Variants in CTSZ observed in about 807,000 individuals in gnomAD.
The protein encoded by CTSZ is carboxypeptidase LB.
A neutral mutation model predicts 32.4 loss-of-function variants in CTSZ; 39 were observed. The ratio of observed to expected loss-of-function variants is 1.20; its 90% CI spans 0.93 to 1.57. CTSZ has a LOEUF of 1.57. Ranked by LOEUF, CTSZ falls within the 40% of genes most tolerant of loss-of-function variation. The pLI, the probability that CTSZ is intolerant of heterozygous loss-of-function variation, is 0.00. For synonymous variants in CTSZ, 168 were observed against 170.1 expected (o/e 0.99, Z 0.10); for missense variants, 397 against 419.6 (o/e 0.95, Z 0.47).
chr20:59,005,958 T>G, intron 2 of CTSZ: 1 of 233,164 alleles, frequency 4.3e-6, no homozygotes, highest in Non-Finnish European at 8.5e-6. Flanking sequence ...CAGGCTTTCA[T>G]CTGTGCTGAG....
In CTSZ at chr20:58,995,710, T is replaced by G. The variant is rs2091855255; in HGVS notation, c.851A>C (p.Lys284Thr). The G allele has an allele frequency of 1.2e-6, 2 of 1,614,046 alleles. No individual in the cohort carries two copies. Among genetic ancestry groups the G allele is most frequent in the South Asian group, 1.1e-5 (1 of 91,078 alleles). The change falls in exon 6 of 6, where the codon AAG becomes ACG. Residue 284 changes from lysine (K) to threonine (T), a missense_variant. Coordinates refer to ENST00000217131, the MANE Select transcript of CTSZ (RefSeq NM_001336.4). The part of the protein sequence containing the change: ...RIVTSTYKDG[K>T]GARYNLAIEE... ...GATGGCAAGGTTGTATCTGGCGCCC[T>G]TCCCATCCTTATAGGTGCTGGTCAC...
intron 3 of CTSZ, among the ~76,000 whole-genome samples, chr20:59,000,528 AC>A (rs2091884451): frequency 6.6e-6 from 1 of 152,058 alleles, no homozygotes. Flanking sequence ...TCCACACAGC[AC>A]CCCCTTGGCC....
At chr20:59,005,365 C>T (rs1340177961) in intron 2 of CTSZ, among the ~76,000 whole-genome samples, 2 of 152,184 alleles carry the variant, frequency 1.3e-5, no homozygotes, top group Non-Finnish European at 2.9e-5. Context: ...TCAGCTGTCA[C>T]TCACACTATG....
At chr20:59,001,315 C>T (rs749324812) in intron 3 of CTSZ, 150 bp downstream of exon 3, 4 of 885,264 alleles carry the variant, frequency 4.5e-6, no homozygotes, top group Non-Finnish European at 6.7e-6. Flanking sequence ...ACCAGCGCCC[C>T]TGGGGGCTGC....
intron 2 of CTSZ, among the ~76,000 whole-genome samples, chr20:59,003,725 G>A (rs1357132410): frequency 1.3e-5 from 2 of 152,184 alleles, no homozygotes; most frequent in Admixed American, 6.5e-5. Flanking sequence ...TGGGACCTCA[G>A]GGAGAGAGGA....
At chr20:58,997,400 G>T in intron 4 of CTSZ, 1 of 435,544 alleles carries the variant, frequency 2.3e-6, no homozygotes, top group Non-Finnish European at 4.0e-6. Context: ...TCTTAGAGGG[G>T]AAATGATGTG....
At chr20:59,003,020 C>T (rs2091896114) in intron 2 of CTSZ, among the ~76,000 whole-genome samples, 1 of 152,208 alleles carries the variant, frequency 6.6e-6, no homozygotes, top group Non-Finnish European at 1.5e-5. Context: ...CCTACTGCCC[C>T]GCTCCTCTTC....
At chr20:59,000,416 T>C (rs890808546) in intron 3 of CTSZ, among the ~76,000 whole-genome samples, 4 of 152,204 alleles carry the variant, frequency 2.6e-5, no homozygotes, top group African/African-American at 9.7e-5. Context: ...CTACCAATTA[T>C]GGGATTAGGG....
chr20:59,003,359 C>T (rs561330892), intron 2 of CTSZ, among the ~76,000 whole-genome samples: 23 of 152,336 alleles, frequency 1.5e-4, no homozygotes, highest in African/African-American at 3.4e-4. Context: ...GCTTCTCCCA[C>T]GGCCAAACTC....
In CTSZ at chr20:59,007,144, C is replaced by G. The variant is rs1218173405; in HGVS notation, c.-16G>C. On this transcript the variant is annotated 5_prime_UTR_variant, in exon 1 of 6. Transcript: ENST00000217131. ...GCCTCGCCATGGCCCCGCGCCGGCT[C>G]CTGGGTCCCGCTCCGGATCCCGCTC... is the stretch of plus-strand genomic sequence containing the variant. 1.5e-6 allele frequency: 2 copies of G among 1,340,682 alleles called. No homozygotes were observed. The highest frequency in any genetic ancestry group is 8.1e-5 in the Admixed American group (2 of 24,676). 83.0% of individuals were successfully genotyped at this position (1,340,682 alleles called of 1,614,324 possible). A position where few individuals can be genotyped will look rare whatever the true frequency, so the allele number is the denominator to read the frequency against.
At position 58,995,601 on chromosome 20, in the gene CTSZ, C is replaced by T; in HGVS notation, c.*48G>A. 6.5e-7 allele frequency: 1 copy of T among 1,547,040 alleles called. No homozygotes were observed. The highest frequency in any genetic ancestry group is 8.9e-7 in the Non-Finnish European group (1 of 1,119,724). ...ACATAACCATAGGATCCCCTCTGGT[C>T]ATGGGTCACCATGCCTTTTCTTAAA... On this transcript the variant is annotated 3_prime_UTR_variant, in exon 6 of 6. Transcript: ENST00000217131.
chr20:58,997,864 G>T, intron 3 of CTSZ, 111 bp from the exon 4 acceptor site: 1 of 944,654 alleles, frequency 1.1e-6, no homozygotes, highest in Non-Finnish European at 1.5e-6. Flanking sequence ...CCACTCAGCA[G>T]CTAAGAACGG....
At position 59,002,204 on chromosome 20, in the gene CTSZ, C is replaced by G. The variant is rs118145224; in HGVS notation, c.308-560G>C. 0.015 allele frequency among the ~76,000 whole-genome samples: 2,313 copies of G among 152,312 alleles called. 27 individuals are homozygous for G. The highest frequency in any genetic ancestry group is 0.023 in the Non-Finnish European group (1,585 of 67,998). ...GGCACTGGGGGATGCAGAGGGCTCC[C>G]AGCGGCTGGCTGACCATGCCCTCAC... is the stretch of plus-strand genomic sequence containing the variant. On this transcript the variant is annotated intron_variant, in intron 2 of 5. Coordinates refer to ENST00000217131, the MANE Select transcript of CTSZ (RefSeq NM_001336.4). This position sits in a 1 kb window ranked among gnomAD's most constrained non-coding sequence, Gnocchi z 4.1.
chr20:59,000,063 C>T (rs554557007), intron 3 of CTSZ, among the ~76,000 whole-genome samples: 14 of 102,196 alleles, frequency 1.4e-4, no homozygotes, highest in Non-Finnish European at 1.9e-4. Flanking sequence ...AGCGAGACTC[C>T]GTCTCAAAAA....
In CTSZ at chr20:58,995,685, G is replaced by A. The variant is rs760962516; in HGVS notation, c.876C>T (p.Ile292=). 6.2e-6 allele frequency: 10 copies of A among 1,614,006 alleles called. No individual in the cohort carries two copies. Among genetic ancestry groups the A allele is most frequent in the African/African-American group, 1.3e-5 (1 of 74,900 alleles). Residue 292 remains isoleucine (I), a synonymous_variant, in exon 6 of 6, where the codon ATC becomes ATT. Transcript: ENST00000217131. ...DGKGARYNLA[I]EEHCTFGDPI... ...GGTCCCCAAATGTACAGTGCTCCTCGATGGCAAGGTTGTATCTGGCGCCCT... is the reference window on the plus strand; with the variant it reads ...GGTCCCCAAATGTACAGTGCTCCTCAATGGCAAGGTTGTATCTGGCGCCCT...
intron 3 of CTSZ, among the ~76,000 whole-genome samples, chr20:58,999,743 G>T (rs920968476): frequency 6.6e-6 from 1 of 152,194 alleles, no homozygotes; most frequent in African/African-American, 2.4e-5. Context: ...CTCTGCTCTG[G>T]CTGTGAGGGA....
At position 58,996,818 on chromosome 20, in the gene CTSZ, A is replaced by G; in HGVS notation, c.639-17T>C. ...ATTCCACAGCTGAGAGCAAGCAGTTAAAGAATTACCACTTTTAAATTGAGA... is the reference window on the plus strand; with the variant it reads ...ATTCCACAGCTGAGAGCAAGCAGTTGAAGAATTACCACTTTTAAATTGAGA... On this transcript the variant is annotated splice_polypyrimidine_tract_variant and intron_variant, in intron 4 of 5. Coordinates refer to ENST00000217131, the MANE Select transcript of CTSZ (RefSeq NM_001336.4). 6.2e-7 allele frequency: 1 copy of G among 1,611,730 alleles called. No homozygotes were observed. The highest frequency in any genetic ancestry group is 1.3e-5 in the African/African-American group (1 of 74,920).
rs764926142 is a variant in CTSZ, at chr20:59,006,431, C to G, written c.198G>C (p.Trp66Cys). The change falls in exon 2 of 6, where the codon TGG becomes TGC. Residue 66 changes from tryptophan to cysteine, a missense_variant. Trp to Cys is a radical substitution (Grantham distance 215). Transcript: ENST00000217131. The part of the protein sequence containing the change: ...YLSPADLPKS[W>C]DWRNVDGVNY... ...TGACACCATCCACATTGCGCCAGTC[C>G]CAGCTCTTGGGCAGATCCGCTGGGG... 6.2e-7 allele frequency: 1 copy of G among 1,614,008 alleles called. No homozygotes were observed. The highest frequency in any genetic ancestry group is 8.5e-7 in the Non-Finnish European group (1 of 1,180,016).
At chr20:58,998,721 A>T (rs762935331) in intron 3 of CTSZ, among the ~76,000 whole-genome samples, 8 of 151,210 alleles carry the variant, frequency 5.3e-5, no homozygotes, top group East Asian at 2.1e-4. Context: ...AAATTAATTT[A>T]AAAAAAAGAA....
Sources: gnomAD v4.1 joint callset for allele counts (sites outside exome capture counted in the v4.1 genomes callset) on GRCh38, gnomAD v4.1.1 for gene constraint, Gnocchi (gnomAD v3.1) non-coding constraint, MANE v1.5 for transcripts, NCBI Gene and HGNC (gene_info 2026-07-23, HGNC 2026-07-21) for gene names.